CDC14B: variants seen among roughly 807,000 people sequenced by gnomAD.
The protein encoded by CDC14B is cell division cycle 14B.
CDC14B carries 22 observed loss-of-function variants against 64.2 expected under a neutral mutation model. The ratio of observed to expected loss-of-function variants is 0.34; its 90% CI spans 0.24 to 0.49. CDC14B has a LOEUF of 0.49. Among genes scored for constraint, CDC14B ranks in the 20% least tolerant of loss-of-function variants. The pLI is 0.99. For missense variants in CDC14B, 498 were observed against 629.9 expected, an observed-to-expected ratio of 0.79 and a Z score of 2.24; for synonymous variants, 191 against 215.8, an observed-to-expected ratio of 0.89 and a Z score of 1.01.
chr9:96,531,300 A>G (rs1401675774), intron 9 of CDC14B, among the ~76,000 whole-genome samples: 5 of 152,102 alleles, frequency 3.3e-5, no homozygotes, highest in Non-Finnish European at 7.4e-5. Flanking sequence ...GTTTTGGATT[A>G]CTTAATCTCC....
chr9:96,599,153 G>A (rs1269191097), intron 1 of CDC14B, among the ~76,000 whole-genome samples: 2 of 152,158 alleles, frequency 1.3e-5, no homozygotes, highest in Non-Finnish European at 2.9e-5. Context: ...GCCAAGGTGG[G>A]CGGATCACCT....
In CDC14B at chr9:96,522,533, T is replaced by G. The variant is rs1305542491; in HGVS notation, c.1316A>C (p.Gln439Pro). ...GAGAGGAATAGCGTTTGTTTTGGATTGTCTTCTGCTTTTCAAGGCCCGAAG... is the reference window on the plus strand; with the variant it reads ...GAGAGGAATAGCGTTTGTTTTGGATGGTCTTCTGCTTTTCAAGGCCCGAAG... The part of the protein sequence containing the change: ...DRLRALKSRR[Q>P]SKTNAIPLTV... Residue 439 changes from glutamine (Q) to proline (P), a missense_variant, in exon 12 of 14, where the codon CAA becomes CCA. Transcript: ENST00000375241. 6.2e-7 allele frequency: 1 copy of G among 1,613,140 alleles called. No individual in the cohort carries two copies. The highest frequency in any genetic ancestry group is 8.5e-7 in the Non-Finnish European group (1 of 1,179,192).
intron 9 of CDC14B, among the ~76,000 whole-genome samples, chr9:96,524,907 C>G (rs751769069): frequency 1.3e-5 from 2 of 152,254 alleles, no homozygotes; most frequent in Non-Finnish European, 2.9e-5. Flanking sequence ...AGATTTGGAT[C>G]ATGAGATAGG....
intron 1 of CDC14B, among the ~76,000 whole-genome samples, chr9:96,589,794 TA>T (rs1254807764): frequency 6.6e-6 from 1 of 150,500 alleles, no homozygotes; most frequent in East Asian, 2.0e-4. Flanking sequence ...CTGTCTCTAC[TA>T]AAAAAATACA....
chr9:96,602,872 T>A (rs1409728193), intron 1 of CDC14B, among the ~76,000 whole-genome samples: 1 of 151,992 alleles, frequency 6.6e-6, no homozygotes, highest in East Asian at 1.9e-4. Context: ...TCATAGAAAC[T>A]TTATTTGTGG....
At chr9:96,578,256 G>C (rs1354845815) in intron 1 of CDC14B, among the ~76,000 whole-genome samples, 1 of 152,188 alleles carries the variant, frequency 6.6e-6, no homozygotes, top group Non-Finnish European at 1.5e-5. Context: ...AAATGGAGAG[G>C]AGACAAATCT....
intron 9 of CDC14B, among the ~76,000 whole-genome samples, chr9:96,533,119 AC>A (rs1200088411): frequency 1.3e-5 from 2 of 152,140 alleles, no homozygotes; most frequent in Non-Finnish European, 2.9e-5. Context: ...GGTATCCGTC[AC>A]CACACCCAGC....
chr9:96,498,081 C>T (rs1833327262), downstream of CDC14B, among the ~76,000 whole-genome samples: 1 of 152,184 alleles, frequency 6.6e-6, no homozygotes, highest in African/African-American at 2.4e-5. Context: ...GACAGTAAGA[C>T]GTCAACCGGG....
intron 1 of CDC14B, among the ~76,000 whole-genome samples, chr9:96,585,853 C>A (rs1449903791): frequency 6.6e-6 from 1 of 152,020 alleles, no homozygotes; most frequent in Admixed American, 6.6e-5. Flanking sequence ...TGAAAGCAAC[C>A]CAAATGTACA....
chr9:96,555,399 T>C (rs1027199176), intron 4 of CDC14B, among the ~76,000 whole-genome samples: 4 of 152,108 alleles, frequency 2.6e-5, no homozygotes, highest in African/African-American at 9.7e-5. Context: ...TGAGCCCCCT[T>C]AGACATGGAC....
At chr9:96,527,908 C>T (rs890992185) in intron 9 of CDC14B, among the ~76,000 whole-genome samples, 1 of 152,122 alleles carries the variant, frequency 6.6e-6, no homozygotes, top group Non-Finnish European at 1.5e-5. Flanking sequence ...AGCCACCGTG[C>T]CCAGCCAACT....
intron 6 of CDC14B, among the ~76,000 whole-genome samples, chr9:96,539,990 A>C (rs1401200515): frequency 6.6e-6 from 1 of 152,246 alleles, no homozygotes; most frequent in African/African-American, 2.4e-5. Flanking sequence ...CTGAAATACA[A>C]ATGTAAAATA....
chr9:96,581,475 AAATT>A (rs1162599301), intron 1 of CDC14B, among the ~76,000 whole-genome samples: 1 of 149,402 alleles, frequency 6.7e-6, no homozygotes, highest in Non-Finnish European at 1.5e-5. Flanking sequence ...TAAAAAAATT[AAATT>A]AATTAATTAA....
chr9:96,597,694 T>C (rs537693583), intron 1 of CDC14B, among the ~76,000 whole-genome samples: 5 of 152,220 alleles, frequency 3.3e-5, no homozygotes, highest in Admixed American at 6.5e-5. Flanking sequence ...TTAAAAGATA[T>C]CTTCCAGGTA....
intron 7 of CDC14B, among the ~76,000 whole-genome samples, chr9:96,535,510 CAAT>C (rs1839157466): frequency 6.6e-6 from 1 of 152,016 alleles, no homozygotes; most frequent in Non-Finnish European, 1.5e-5. Context: ...TCAAATTTAA[CAAT>C]AATAGAAACT....
intron 12 of CDC14B, 62 bp from the exon 13 acceptor site, chr9:96,509,851 G>A: frequency 9.6e-7 from 1 of 1,042,006 alleles, no homozygotes; most frequent in Non-Finnish European, 1.5e-6. Context: ...ATACTTGACA[G>A]AGGAAAGTAT....
intron 1 of CDC14B, among the ~76,000 whole-genome samples, chr9:96,587,424 C>T (rs12337291): frequency 0.01 from 1,570 of 152,286 alleles, 24 homozygotes; most frequent in African/African-American, 0.035. Flanking sequence ...AAGGCCTCCA[C>T]GGAAGCAAGG....
chr9:96,496,244 C>G (rs1044580401), downstream of CDC14B: 4 of 483,176 alleles, frequency 8.3e-6, no homozygotes, highest in Admixed American at 8.7e-5. Context: ...AGAGAACTTG[C>G]AGTGGGCAAC....
intron 1 of CDC14B, among the ~76,000 whole-genome samples, chr9:96,587,166 C>CT (rs1256503983): frequency 6.6e-6 from 1 of 151,600 alleles, no homozygotes; most frequent in Non-Finnish European, 1.5e-5. Flanking sequence ...GAGTGAGACT[C>CT]TGTCTCGAAA....
Sources: allele counts gnomAD v4.1 joint callset (sites outside exome capture counted in the v4.1 genomes callset), GRCh38; gene constraint gnomAD v4.1.1; transcripts MANE v1.5; gene names NCBI Gene and HGNC (gene_info 2026-07-23, HGNC 2026-07-21).